The following ANKS1B variants were observed in gnomAD, a reference collection of about 807,000 sequenced individuals.
The protein encoded by ANKS1B is ankyrin repeat and sterile alpha motif domain containing 1B, also known as ankyrin repeat and sterile alpha motif domain-containing protein 1B.
Under a neutral mutation model 148.3 loss-of-function variants are expected in ANKS1B, and 36 were observed. That is an observed-to-expected ratio of 0.24 (90% CI 0.19 to 0.32). The LOEUF is 0.32. ANKS1B is among the 10% of genes least tolerant of loss of function. ANKS1B has a pLI of 1.00. For synonymous variants in ANKS1B, 542 were observed against 560.8 expected, an observed-to-expected ratio of 0.97 and a Z score of 0.47; for missense variants, 1,157 against 1,542.6, an observed-to-expected ratio of 0.75 and a Z score of 4.19.
chr12:99,581,762 G>A (rs1405651013), intron 9 of ANKS1B, among the ~76,000 whole-genome samples: 1 of 151,628 alleles, frequency 6.6e-6, no homozygotes, highest in Non-Finnish European at 1.5e-5. Context: ...GCGGTGGCGG[G>A]CGCCTGTAGT....
intron 6 of ANKS1B, among the ~76,000 whole-genome samples, chr12:99,777,368 C>T (rs1355909406): frequency 6.6e-6 from 1 of 152,132 alleles, no homozygotes; most frequent in Non-Finnish European, 1.5e-5. Flanking sequence ...TATGCCCTAC[C>T]ACAAATTAAC....
At chr12:99,983,464 G>A (rs2095738113) in intron 1 of ANKS1B, among the ~76,000 whole-genome samples, 1 of 152,050 alleles carries the variant, frequency 6.6e-6, no homozygotes, top group Non-Finnish European at 1.5e-5. Flanking sequence ...TACCAACCTG[G>A]CATCCTTCAT....
chr12:98,895,678 G>T (rs982007208), intron 17 of ANKS1B, among the ~76,000 whole-genome samples: 1 of 152,124 alleles, frequency 6.6e-6, no homozygotes, highest in African/African-American at 2.4e-5. Context: ...GAGGGTCACG[G>T]GTGAGATTTT....
At chr12:99,401,890 T>A (rs2094413927) in intron 11 of ANKS1B, among the ~76,000 whole-genome samples, 1 of 146,852 alleles carries the variant, frequency 6.8e-6, no homozygotes, top group South Asian at 2.1e-4. Context: ...TTCTTCCTGT[T>A]TCTAAAAATG....
At chr12:99,846,310 C>T (rs887854139) in intron 1 of ANKS1B, among the ~76,000 whole-genome samples, 6 of 151,934 alleles carry the variant, frequency 3.9e-5, no homozygotes, top group Admixed American at 1.3e-4. Context: ...CTTGATCAAG[C>T]GTTCTTCATT....
chr12:99,810,392 T>C (rs948611206), intron 3 of ANKS1B, among the ~76,000 whole-genome samples: 3 of 151,710 alleles, frequency 2.0e-5, no homozygotes, highest in Non-Finnish European at 4.4e-5. Flanking sequence ...TTCTGTCCTA[T>C]TCAGAAGGAA....
At position 99,652,183 on chromosome 12, in the gene ANKS1B, T is replaced by C. The variant is rs528240998; in HGVS notation, c.1272+2884A>G. On this transcript the variant is annotated intron_variant, in intron 9 of 26. Coordinates refer to ENST00000683438, the MANE Select transcript of ANKS1B (RefSeq NM_001352186.2). ...ACACACACACATTCTTAAGAATTTA[T>C]AGTGAGAGGCTGGGTGCAGTGGCTC... 2.3e-3 allele frequency among the ~76,000 whole-genome samples: 347 copies of C among 151,898 alleles called. 2 individuals are homozygous for C. Among genetic ancestry groups the C allele is most frequent in the African/African-American group, 8.0e-3 (330 of 41,434 alleles).
chr12:99,370,942 C>G (rs1298014565), intron 12 of ANKS1B, among the ~76,000 whole-genome samples: 1 of 152,142 alleles, frequency 6.6e-6, no homozygotes, highest in Admixed American at 6.6e-5. Context: ...GTGACAAAGA[C>G]AAACTGGGTT....
intron 10 of ANKS1B, among the ~76,000 whole-genome samples, chr12:99,455,541 G>A (rs562007560): frequency 6.6e-6 from 1 of 152,300 alleles, no homozygotes; most frequent in Admixed American, 6.5e-5. Context: ...CCTGCTCATA[G>A]GCTGCCTGGA....
intron 24 of ANKS1B, among the ~76,000 whole-genome samples, chr12:98,774,591 G>T (rs2098648288): frequency 6.6e-6 from 1 of 152,128 alleles, no homozygotes; most frequent in Non-Finnish European, 1.5e-5. Flanking sequence ...AGTTGTCACA[G>T]ATCTAAAACC....
At chr12:99,832,038 C>A (rs1267827478) in intron 1 of ANKS1B, among the ~76,000 whole-genome samples, 1 of 152,064 alleles carries the variant, frequency 6.6e-6, no homozygotes, top group African/African-American at 2.4e-5. Flanking sequence ...CAGATGGGCA[C>A]AAATTTTTAA....
At position 99,603,219 on chromosome 12, in the gene ANKS1B, G is replaced by A. The variant is rs771118144; in HGVS notation, c.1272+51848C>T. Among the ~76,000 whole-genome samples the A allele has an allele frequency of 1.1e-4, 17 of 151,962 alleles. 1 individual carries two copies. The highest frequency in any genetic ancestry group is 2.4e-5 in the African/African-American group (1 of 41,384). ...TATTGGCTCTTTTTAAGTTTGTTTTGCTGAAATTTTCAATTAGGAATCTCA... is the reference window on the plus strand; with the variant it reads ...TATTGGCTCTTTTTAAGTTTGTTTTACTGAAATTTTCAATTAGGAATCTCA... On this transcript the variant is annotated intron_variant, in intron 9 of 26. Coordinates refer to ENST00000683438, the MANE Select transcript of ANKS1B (RefSeq NM_001352186.2).
Position 98,745,722 on chromosome 12 carries a change from C to CAGG in ANKS1B, c.*14_*16dup. 1.2e-6 allele frequency: 2 copies of CAGG among 1,612,342 alleles called. No homozygotes were observed. Among genetic ancestry groups the CAGG allele is most frequent in the Non-Finnish European group, 1.7e-6 (2 of 1,179,078 alleles). Reference sequence around the variant, plus strand: ...CTTGGCGAGCAAGGCACCGCGAGGACAGGAGGACGGCGAGTATCAGAAAAT... The same window carrying CAGG: ...CTTGGCGAGCAAGGCACCGCGAGGACAGGAGGAGGACGGCGAGTATCAGAAAAT... On this transcript the variant is annotated 3_prime_UTR_variant, in exon 27 of 27. Transcript: ENST00000683438.
chr12:99,682,004 A>G (rs2098622264), intron 8 of ANKS1B, among the ~76,000 whole-genome samples: 1 of 152,230 alleles, frequency 6.6e-6, no homozygotes. Context: ...GAAGCAACAA[A>G]AGTTTTAAAA....
In ANKS1B at chr12:99,844,722, C is replaced by CT. The variant is rs1446758208; in HGVS notation, c.135-19334dup. ...TAGGATTCTCTTTGCTATTTGGGCT[C>CT]TTTTTTGGTTCCTTGTGAATTTTAA... is the stretch of plus-strand genomic sequence containing the variant. On this transcript the variant is annotated intron_variant, in intron 1 of 26. Coordinates refer to ENST00000683438, the MANE Select transcript of ANKS1B (RefSeq NM_001352186.2). Among the ~76,000 whole-genome samples, 9 of 152,176 alleles carry CT rather than the reference C, an allele frequency of 5.9e-5. No homozygotes were observed. The South Asian group carries it at 1.9e-3, about 32-fold the overall frequency.
Position 99,653,862 on chromosome 12 carries a change from C to G in ANKS1B, c.1272+1205G>C, listed in dbSNP as rs567635381. 1.4e-4 allele frequency among the ~76,000 whole-genome samples: 21 copies of G among 151,830 alleles called. No individual in the cohort carries two copies. The East Asian group carries it at 3.9e-3, about 28-fold the overall frequency. On this transcript the variant is annotated intron_variant, in intron 9 of 26. Coordinates refer to ENST00000683438, the MANE Select transcript of ANKS1B (RefSeq NM_001352186.2). Reference sequence around the variant, plus strand: ...TATTTTTTGTAGAGACAAGGTCTCACTATGTTGCCCAGGCTGGTCTTGAAC... The same window carrying G: ...TATTTTTTGTAGAGACAAGGTCTCAGTATGTTGCCCAGGCTGGTCTTGAAC...
At chr12:99,667,877 C>T (rs2098517223) in intron 8 of ANKS1B, among the ~76,000 whole-genome samples, 1 of 152,140 alleles carries the variant, frequency 6.6e-6, no homozygotes, top group Non-Finnish European at 1.5e-5. Flanking sequence ...AATAACCTTG[C>T]CTTTCTGGCA....
At chr12:99,702,271 T>G (rs1324517251) in intron 8 of ANKS1B, among the ~76,000 whole-genome samples, 1 of 152,188 alleles carries the variant, frequency 6.6e-6, no homozygotes, top group Non-Finnish European at 1.5e-5. Context: ...CGGATTTATT[T>G]GCATTTATCT....
Position 98,861,287 on chromosome 12 carries a change from T to A in ANKS1B, c.2779-29151A>T, listed in dbSNP as rs2152156152. Among the ~76,000 whole-genome samples, 3 of 152,338 alleles carry A rather than the reference T, an allele frequency of 2.0e-5. 1 individual carries two copies. The Middle Eastern group carries it at 0.01, about 518-fold the overall frequency. On this transcript the variant is annotated intron_variant, in intron 17 of 26. Coordinates refer to ENST00000683438, the MANE Select transcript of ANKS1B (RefSeq NM_001352186.2). ...TTGATTTTGCCATTTCTCATATCATTTTTCTAGGGCTGAGGGGGCGCACTT... is the reference window on the plus strand; with the variant it reads ...TTGATTTTGCCATTTCTCATATCATATTTCTAGGGCTGAGGGGGCGCACTT...
Sources: allele counts gnomAD v4.1 joint callset (sites outside exome capture counted in the v4.1 genomes callset), GRCh38; gene constraint gnomAD v4.1.1; transcripts MANE v1.5; gene names NCBI Gene and HGNC (gene_info 2026-07-23, HGNC 2026-07-21).